The following KCNB2 variants were observed in gnomAD, a reference collection of about 807,000 sequenced individuals.
KCNB2 encodes delayed rectifier potassium channel protein.
Under a neutral mutation model 61.5 loss-of-function variants are expected in KCNB2, and 15 were observed. The ratio of observed to expected loss-of-function variants is 0.24; its 90% CI spans 0.16 to 0.38. The LOEUF (loss-of-function observed/expected upper bound fraction) is 0.38, where lower values mean the gene tolerates loss of function less well. KCNB2 is among the 10% of genes least tolerant of loss of function. The pLI is 1.00. For missense variants in KCNB2, 828 were observed against 1,125.2 expected, an observed-to-expected ratio of 0.74 and a Z score of 3.78; for synonymous variants, 457 against 446.0, an observed-to-expected ratio of 1.02 and a Z score of -0.31.
At chr8:72,776,732 C>A (rs946541435) in intron 2 of KCNB2, among the ~76,000 whole-genome samples, 1 of 152,132 alleles carries the variant, frequency 6.6e-6, no homozygotes, top group South Asian at 2.1e-4. Context: ...GTTCGGAGAT[C>A]GGCATGCAGT....
intron 2 of KCNB2, among the ~76,000 whole-genome samples, chr8:72,584,432 G>T (rs1806964589): frequency 6.6e-6 from 1 of 152,050 alleles, no homozygotes. Context: ...CCATTTAAAT[G>T]AAGGATGCAG....
At chr8:72,906,164 G>T (rs964729839) in intron 2 of KCNB2, among the ~76,000 whole-genome samples, 5 of 152,192 alleles carry the variant, frequency 3.3e-5, no homozygotes, top group Admixed American at 3.3e-4. Context: ...GAAGCTTTAG[G>T]GGAGGAAGAA....
intron 2 of KCNB2, among the ~76,000 whole-genome samples, chr8:72,898,280 C>T (rs968594098): frequency 7.4e-5 from 11 of 148,966 alleles, no homozygotes; most frequent in African/African-American, 2.0e-4. Flanking sequence ...CATCACACAC[C>T]GGGGCCTTTT....
chr8:72,806,033 A>G (rs1447355415), intron 2 of KCNB2, among the ~76,000 whole-genome samples: 1 of 152,122 alleles, frequency 6.6e-6, no homozygotes, highest in Non-Finnish European at 1.5e-5. Flanking sequence ...GTAACCCCCT[A>G]TTGTTTTACT....
At chr8:72,687,671 C>T (rs148443836) in intron 2 of KCNB2, among the ~76,000 whole-genome samples, 1 of 152,312 alleles carries the variant, frequency 6.6e-6, no homozygotes, top group East Asian at 1.9e-4. Flanking sequence ...TTCTTTCAAA[C>T]TAAAATTTTG....
At chr8:72,544,038 T>A (rs1039236867) in intron 1 of KCNB2, among the ~76,000 whole-genome samples, 2 of 152,192 alleles carry the variant, frequency 1.3e-5, no homozygotes, top group Non-Finnish European at 2.9e-5. Context: ...AATTTGATGA[T>A]TTAATTATCA....
Position 72,938,180 on chromosome 8 carries a change from A to C in KCNB2, c.*89A>C. Reference sequence around the variant, plus strand: ...CGGTTAATAATGCCTGTGAACTAAAAAAATGGGAAGCCCTCCCCAAAAAAA... The same window carrying C: ...CGGTTAATAATGCCTGTGAACTAAACAAATGGGAAGCCCTCCCCAAAAAAA... On this transcript the variant is annotated 3_prime_UTR_variant, in exon 3 of 3. Coordinates refer to ENST00000523207, the MANE Select transcript of KCNB2 (RefSeq NM_004770.3). 2 of 1,083,548 alleles carry C rather than the reference A, an allele frequency of 1.8e-6. No homozygotes were observed. The highest frequency in any genetic ancestry group is 2.7e-6 in the Non-Finnish European group (2 of 743,740). 67.1% of individuals were successfully genotyped at this position (1,083,548 alleles called of 1,614,324 possible). A position where few individuals can be genotyped will look rare whatever the true frequency, so the allele number is the denominator to read the frequency against.
At chr8:72,703,055 C>T (rs536132393) in intron 2 of KCNB2, among the ~76,000 whole-genome samples, 5 of 152,168 alleles carry the variant, frequency 3.3e-5, no homozygotes, top group Non-Finnish European at 2.9e-5. Context: ...CTTGCTGGAG[C>T]AACAATTGAG....
chr8:72,620,978 T>C (rs1163251317), intron 2 of KCNB2, among the ~76,000 whole-genome samples: 1 of 152,218 alleles, frequency 6.6e-6, no homozygotes, highest in Non-Finnish European at 1.5e-5. Context: ...GAATGTGGTC[T>C]CTGGACTTTT....
chr8:72,693,566 T>A (rs550141178), intron 2 of KCNB2, among the ~76,000 whole-genome samples: 3 of 152,282 alleles, frequency 2.0e-5, no homozygotes, highest in Admixed American at 6.5e-5. Flanking sequence ...CTGTACAAAT[T>A]GTCAGTCATT....
chr8:72,612,031 G>T (rs1805550456), intron 2 of KCNB2, among the ~76,000 whole-genome samples: 1 of 152,112 alleles, frequency 6.6e-6, no homozygotes, highest in South Asian at 2.1e-4. Flanking sequence ...TTGAGTTCAA[G>T]TGAAATAGTA....
intron 2 of KCNB2, among the ~76,000 whole-genome samples, chr8:72,830,997 T>G (rs930834994): frequency 6.6e-6 from 1 of 152,250 alleles, no homozygotes; most frequent in Non-Finnish European, 1.5e-5. Context: ...ATTTCTGTTT[T>G]GTTATCCTGC....
At chr8:72,627,311 T>C (rs1156898177) in intron 2 of KCNB2, among the ~76,000 whole-genome samples, 2 of 152,204 alleles carry the variant, frequency 1.3e-5, no homozygotes, top group Non-Finnish European at 2.9e-5. Context: ...ATATTTAGCC[T>C]AATGGCTATC....
At position 72,733,696 on chromosome 8, in the gene KCNB2, C is replaced by T. The variant is rs141249749; in HGVS notation, c.579+165383C>T. Among the ~76,000 whole-genome samples the T allele has an allele frequency of 2.8e-4, 43 of 152,200 alleles. 3 individuals carry two copies. The highest frequency in any genetic ancestry group is 2.7e-3 in the East Asian group (14 of 5,164). On this transcript the variant is annotated intron_variant, in intron 2 of 2. Transcript: ENST00000523207. The stretch of plus-strand genomic sequence containing the variant: ...AACCATCCCTTTCCAGGAAGGTAGT[C>T]GTTAGGACAGCAAGGAAGAGGAGTG...
At position 72,551,526 on chromosome 8, in the gene KCNB2, C is replaced by T. The variant is rs148207039; in HGVS notation, c.-94+13641C>T. On this transcript the variant is annotated intron_variant, in intron 1 of 2. Transcript: ENST00000523207. ...GCCCTGGGCTTTCTTGCTAGAAGGCCGTCTCGCATAGTTACTTGGGATGCT... is the reference window on the plus strand; with the variant it reads ...GCCCTGGGCTTTCTTGCTAGAAGGCTGTCTCGCATAGTTACTTGGGATGCT... Among the ~76,000 whole-genome samples, 30 of 152,196 alleles carry T rather than the reference C, an allele frequency of 2.0e-4. 2 individuals are homozygous for T. The highest frequency in any genetic ancestry group is 3.4e-3 in the Middle Eastern group (1 of 294).
At chr8:72,627,037 C>T (rs1295848900) in intron 2 of KCNB2, among the ~76,000 whole-genome samples, 3 of 152,168 alleles carry the variant, frequency 2.0e-5, no homozygotes, top group Non-Finnish European at 2.9e-5. Context: ...TTTAGAAGAT[C>T]AATCTACTTC....
intron 1 of KCNB2, among the ~76,000 whole-genome samples, chr8:72,547,285 C>T (rs532764133): frequency 8.5e-5 from 13 of 152,308 alleles, no homozygotes; most frequent in Non-Finnish European, 1.8e-4. Flanking sequence ...TTCATGCCTG[C>T]TAACACAGTA....
At chr8:72,838,688 C>T (rs1164778912) in intron 2 of KCNB2, among the ~76,000 whole-genome samples, 2 of 152,188 alleles carry the variant, frequency 1.3e-5, no homozygotes, top group Non-Finnish European at 2.9e-5. Flanking sequence ...GGTAGGTTCA[C>T]ATTACAGTTA....
intron 2 of KCNB2, among the ~76,000 whole-genome samples, chr8:72,860,015 G>A (rs555777536): frequency 1.3e-5 from 2 of 152,020 alleles, no homozygotes; most frequent in East Asian, 1.9e-4. Flanking sequence ...CACTGTGCCC[G>A]GCCTTCATTT....
Sources: gnomAD v4.1 joint callset for allele counts (sites outside exome capture counted in the v4.1 genomes callset) on GRCh38, gnomAD v4.1.1 for gene constraint, MANE v1.5 for transcripts, NCBI Gene and HGNC (gene_info 2026-07-23, HGNC 2026-07-21) for gene names.